Variants in IGSF23 observed in about 807,000 individuals in gnomAD.
The protein encoded by IGSF23 is immunoglobulin superfamily, member 23.
Under a neutral mutation model 17.8 loss-of-function variants are expected in IGSF23, and 14 were observed. The observed-to-expected ratio is 0.79, with a 90% confidence interval of 0.52 to 1.23. IGSF23 has a LOEUF of 1.23. IGSF23 is among the 50% of genes most tolerant of loss of function. IGSF23 has a pLI of 0.00. For synonymous variants in IGSF23, 85 were observed against 92.5 expected, an observed-to-expected ratio of 0.92 and a Z score of 0.46; for missense variants, 214 against 241.7, an observed-to-expected ratio of 0.89 and a Z score of 0.76.
intron 1 of IGSF23, among the ~76,000 whole-genome samples, chr19:44,618,534 C>T (rs984564026): frequency 1.3e-5 from 2 of 152,188 alleles, no homozygotes; most frequent in African/African-American, 4.8e-5. Context: ...CAATAAACCA[C>T]CCCAAAACTT....
chr19:44,631,501 T>G (rs1972766114), intron 3 of IGSF23, among the ~76,000 whole-genome samples: 1 of 152,066 alleles, frequency 6.6e-6, no homozygotes, highest in African/African-American at 2.4e-5. Context: ...GGCAGGAGAA[T>G]CATGCCAAGA....
intron 1 of IGSF23, chr19:44,618,257 G>C: frequency 2.1e-6 from 1 of 465,514 alleles, no homozygotes; most frequent in Admixed American, 2.4e-5. Context: ...TATTCTCCCC[G>C]AAGGGCCTCC....
chr19:44,633,889 C>T (rs1199750012), intron 3 of IGSF23, among the ~76,000 whole-genome samples: 1 of 152,206 alleles, frequency 6.6e-6, no homozygotes, highest in Non-Finnish European at 1.5e-5. Context: ...GCTGTGCGCT[C>T]TCCTGGCTCT....
rs1352152647 is a variant in IGSF23, at chr19:44,636,505, A to G, written c.*118A>G. 2 of 152,234 alleles carry G rather than the reference A, an allele frequency of 1.3e-5. No homozygotes were observed. Among genetic ancestry groups the G allele is most frequent in the Non-Finnish European group, 2.9e-5 (2 of 68,048 alleles). The allele number at this position is 152,234 out of a possible 1,614,324, so 9.4% of individuals were successfully genotyped here. On this transcript the variant is annotated 3_prime_UTR_variant, in exon 5 of 5. Transcript: ENST00000402988. ...CTACAACATCTCTGTTCAAGGGAAC[A>G]ACCCAACGTAACCAGACTCCCTTTG...
chr19:44,620,382 T>TGA (rs1555756282), intron 1 of IGSF23, among the ~76,000 whole-genome samples: 2 of 140,076 alleles, frequency 1.4e-5, no homozygotes, highest in Admixed American at 7.4e-5. Context: ...TGTGTGTGTG[T>TGA]GTGAGATGGA....
chr19:44,616,695 CAAAA>C (rs71171272), intron 1 of IGSF23, among the ~76,000 whole-genome samples: 2 of 84,312 alleles, frequency 2.4e-5, no homozygotes, highest in Non-Finnish European at 4.5e-5. Context: ...GACTCCATCT[CAAAA>C]AAAAAAAAAA....
At chr19:44,629,228 A>G (rs1038205594) in intron 3 of IGSF23, among the ~76,000 whole-genome samples, 3 of 152,164 alleles carry the variant, frequency 2.0e-5, no homozygotes, top group African/African-American at 7.2e-5. Flanking sequence ...ATTTGATCCT[A>G]TATGTTGGCT....
At chr19:44,621,282 CAAA>C (rs34896514) in intron 1 of IGSF23, among the ~76,000 whole-genome samples, 4,387 of 123,124 alleles carry the variant, frequency 0.036, 95 homozygotes, top group African/African-American at 0.066. Context: ...GACCCTGTCT[CAAA>C]AAAAAAAAAA....
rs544901668 is a variant in IGSF23, at chr19:44,631,522, C to G, written c.546-3879C>G. On this transcript the variant is annotated intron_variant, in intron 3 of 4. Coordinates refer to ENST00000402988, the MANE Select transcript of IGSF23 (RefSeq NM_001205280.2). ...AGAATCATGCCAAGACCAGCTCAGT[C>G]AGGGAAACTCTAACCCAGCGGTGCT... 5.3e-4 allele frequency among the ~76,000 whole-genome samples: 81 copies of G among 152,222 alleles called. 1 individual carries two copies. Among genetic ancestry groups the G allele is most frequent in the African/African-American group, 1.9e-3 (81 of 41,544 alleles).
At chr19:44,614,750 G>T (rs1018091917) in intron 1 of IGSF23, among the ~76,000 whole-genome samples, 2 of 152,034 alleles carry the variant, frequency 1.3e-5, no homozygotes, top group Non-Finnish European at 1.5e-5. Context: ...CGTTCTAAGT[G>T]CTTTCCTATA....
chr19:44,628,058 C>T (rs533698068), intron 3 of IGSF23, among the ~76,000 whole-genome samples: 2 of 151,762 alleles, frequency 1.3e-5, no homozygotes, highest in South Asian at 4.2e-4. Flanking sequence ...AGTTCTCCTG[C>T]CTCAGCCTCC....
intron 1 of IGSF23, among the ~76,000 whole-genome samples, chr19:44,621,507 G>A (rs1329291351): frequency 6.6e-6 from 1 of 151,606 alleles, no homozygotes; most frequent in Non-Finnish European, 1.5e-5. Context: ...GGATGTAGTG[G>A]CGCACGCCTG....
chr19:44,613,599 A>G lies in IGSF23; in HGVS notation c.-47A>G. 2 of 1,505,934 alleles carry G rather than the reference A, an allele frequency of 1.3e-6. No homozygotes were observed. The highest frequency in any genetic ancestry group is 1.8e-6 in the Non-Finnish European group (2 of 1,119,354). The allele number at this position is 1,505,934 out of a possible 1,614,324, so 93.3% of individuals were successfully genotyped here. On this transcript the variant is annotated 5_prime_UTR_variant, in exon 1 of 5. Coordinates refer to ENST00000402988, the MANE Select transcript of IGSF23 (RefSeq NM_001205280.2). ...TTGATGTGAGTGATAGGAGCGGGCGATTCTGCTTCTCCCTCCATCTCCCGG... is the reference window on the plus strand; with the variant it reads ...TTGATGTGAGTGATAGGAGCGGGCGGTTCTGCTTCTCCCTCCATCTCCCGG...
chr19:44,625,912 C>T (rs1295682308), intron 2 of IGSF23, among the ~76,000 whole-genome samples: 1 of 152,168 alleles, frequency 6.6e-6, no homozygotes, highest in Non-Finnish European at 1.5e-5. Context: ...CATTCTCTTG[C>T]CTGCCGCCAT....
At chr19:44,628,571 G>A (rs1050966513) in intron 3 of IGSF23, among the ~76,000 whole-genome samples, 1 of 152,024 alleles carries the variant, frequency 6.6e-6, no homozygotes, top group South Asian at 2.1e-4. Flanking sequence ...AACATGACAA[G>A]ACATCTTGTC....
chr19:44,623,511 C>T (rs1035028469), intron 1 of IGSF23, among the ~76,000 whole-genome samples, 196 bp from the exon 2 acceptor site: 2 of 152,182 alleles, frequency 1.3e-5, no homozygotes, highest in South Asian at 2.1e-4. Context: ...AGGTGCTGGC[C>T]GTTGGAAGTG....
intron 1 of IGSF23, among the ~76,000 whole-genome samples, chr19:44,618,427 C>T (rs749296970): frequency 2.0e-5 from 3 of 152,184 alleles, no homozygotes; most frequent in Non-Finnish European, 2.9e-5. Flanking sequence ...GTGAGTGGGG[C>T]CCCGCAGTGG....
chr19:44,631,886 T>C (rs1972774859), intron 3 of IGSF23, among the ~76,000 whole-genome samples: 1 of 152,198 alleles, frequency 6.6e-6, no homozygotes, highest in African/African-American at 2.4e-5. Flanking sequence ...CCCACAACCT[T>C]CCAGCGTGGG....
chr19:44,616,925 G>A (rs1270611749), intron 1 of IGSF23, among the ~76,000 whole-genome samples: 2 of 151,532 alleles, frequency 1.3e-5, no homozygotes, highest in East Asian at 1.9e-4. Flanking sequence ...AGGGAGAAAG[G>A]TCTTGCTCTG....
Sources: allele counts gnomAD v4.1 joint callset (sites outside exome capture counted in the v4.1 genomes callset), GRCh38; gene constraint gnomAD v4.1.1; transcripts MANE v1.5; gene names NCBI Gene and HGNC (gene_info 2026-07-23, HGNC 2026-07-21).